Variants in CDC42BPB observed in about 807,000 individuals in gnomAD.
CDC42BPB encodes CDC42 binding protein kinase beta, also known as serine/threonine-protein kinase MRCK beta.
In CDC42BPB, 37 loss-of-function variants were observed where a neutral mutation model predicts 214.9. That is an observed-to-expected ratio of 0.17 (90% CI 0.13 to 0.23). CDC42BPB has a LOEUF of 0.23. Ranked by LOEUF, CDC42BPB falls within the 10% of genes least tolerant of loss-of-function variation. CDC42BPB has a pLI of 1.00. For missense variants in CDC42BPB, 1,694 were observed against 2,227.0 expected, an observed-to-expected ratio of 0.76 and a Z score of 4.82; for synonymous variants, 931 against 884.0, an observed-to-expected ratio of 1.05 and a Z score of -0.94.
chr14:103,014,194 G>C (rs1024139452), intron 1 of CDC42BPB, among the ~76,000 whole-genome samples: 2 of 144,198 alleles, frequency 1.4e-5, no homozygotes, highest in African/African-American at 2.5e-5. Flanking sequence ...AAAGCTCCTA[G>C]AGAGAGGTCA....
intron 5 of CDC42BPB, among the ~76,000 whole-genome samples, chr14:102,997,990 C>T (rs553273393): frequency 3.1e-4 from 47 of 152,178 alleles, no homozygotes; most frequent in African/African-American, 1.1e-3. Context: ...ACTAAAAATA[C>T]AAAAAAATTA....
In CDC42BPB at chr14:102,949,799, G is replaced by A. The variant is rs1892399212; in HGVS notation, c.3415C>T (p.Pro1139Ser). Residue 1139 changes from proline to serine, a missense_variant, in exon 26 of 37, where the codon CCT (proline) becomes TCT (serine). Physicochemically the swap from Pro to Ser is moderately conservative, Grantham distance 74 (BLOSUM62 -1). Transcript: ENST00000361246. Reference sequence around the variant, plus strand: ...AAGACTTGGCTCGCAATGACACCAGGCTGGGTGGATTTTCCTTCAGGCAGA... The same window carrying A: ...AAGACTTGGCTCGCAATGACACCAGACTGGGTGGATTTTCCTTCAGGCAGA... Reference protein sequence around the residue: ...YDLPEGKSTQPGVIASQVLDL... With the variant: ...YDLPEGKSTQSGVIASQVLDL... 1 of 1,613,422 alleles carries A rather than the reference G, an allele frequency of 6.2e-7. No homozygotes were observed. Among genetic ancestry groups the A allele is most frequent in the Non-Finnish European group, 8.5e-7 (1 of 1,180,032 alleles).
At chr14:102,992,170 G>A (rs1196540571) in intron 5 of CDC42BPB, among the ~76,000 whole-genome samples, 1 of 152,160 alleles carries the variant, frequency 6.6e-6, no homozygotes, top group African/African-American at 2.4e-5. Context: ...GGCTTATCTG[G>A]GTGCTGCTGT....
Position 103,000,943 on chromosome 14 carries a change from A to G in CDC42BPB, c.448-1230T>C, listed in dbSNP as rs1209501025. On this transcript the variant is annotated intron_variant, in intron 4 of 36. Coordinates refer to ENST00000361246, the MANE Select transcript of CDC42BPB (RefSeq NM_006035.4). The stretch of plus-strand genomic sequence containing the variant: ...AACAGTCAGACTCCACGCCCATCAC[A>G]TTCAACCAGACTGCAGTGTCTCCAA... Among the ~76,000 whole-genome samples the G allele has an allele frequency of 2.0e-5, 3 of 152,204 alleles. No individual in the cohort carries two copies. In the East Asian group the frequency reaches 5.8e-4, roughly 29 times the overall value.
Position 103,009,035 on chromosome 14 carries a change from C to T in CDC42BPB, c.268-480G>A, listed in dbSNP as rs35105995. On this transcript the variant is annotated intron_variant, in intron 2 of 36. Coordinates refer to ENST00000361246, the MANE Select transcript of CDC42BPB (RefSeq NM_006035.4). Reference sequence around the variant, plus strand: ...AAGCTCTGCCATCACTACCAACACCCGTCAAGATGTCTGCACCATTGTCTG... The same window carrying T: ...AAGCTCTGCCATCACTACCAACACCTGTCAAGATGTCTGCACCATTGTCTG... Among the ~76,000 whole-genome samples, 53 of 152,328 alleles carry T rather than the reference C, an allele frequency of 3.5e-4. 2 individuals are homozygous for T. The East Asian group carries it at 9.5e-3, about 27-fold the overall frequency.
At position 103,001,362 on chromosome 14, in the gene CDC42BPB, A is replaced by G. The variant is rs2139598958; in HGVS notation, c.448-1649T>C. 6.6e-6 allele frequency among the ~76,000 whole-genome samples: 1 copy of G among 152,306 alleles called. No homozygotes were observed. The highest frequency in any genetic ancestry group is 1.5e-5 in the Non-Finnish European group (1 of 68,012). Reference sequence around the variant, plus strand: ...GGGGGCGGGAGAGACCGTGGCCAGCATGGAGAGCAGGCAGTGGTGAGCGCC... The same window carrying G: ...GGGGGCGGGAGAGACCGTGGCCAGCGTGGAGAGCAGGCAGTGGTGAGCGCC... On this transcript the variant is annotated intron_variant, in intron 4 of 36. Coordinates refer to ENST00000361246, the MANE Select transcript of CDC42BPB (RefSeq NM_006035.4). The surrounding 1 kb of genome is among the most constrained non-coding windows in gnomAD (Gnocchi z 5.8).
intron 21 of CDC42BPB, among the ~76,000 whole-genome samples, chr14:102,959,312 AAT>A (rs112691340): frequency 6.6e-6 from 1 of 151,590 alleles, no homozygotes; most frequent in Admixed American, 6.6e-5. Flanking sequence ...AAAAAAAAAA[AAT>A]ACTCACTACA....
chr14:102,983,043 G>GGGGA (rs1029131687), intron 7 of CDC42BPB, among the ~76,000 whole-genome samples: 2 of 152,162 alleles, frequency 1.3e-5, no homozygotes, highest in African/African-American at 4.8e-5. Context: ...GAAACAGGAT[G>GGGGA]GGGAGGATGA....
intron 1 of CDC42BPB, among the ~76,000 whole-genome samples, chr14:103,028,684 C>G (rs1304699792): frequency 6.6e-6 from 1 of 152,230 alleles, no homozygotes; most frequent in Non-Finnish European, 1.5e-5. Flanking sequence ...GAAGGTTCTT[C>G]CTACGTCACC....
intron 13 of CDC42BPB, among the ~76,000 whole-genome samples, chr14:102,971,004 G>C (rs751865757): frequency 6.6e-6 from 1 of 152,192 alleles, no homozygotes; most frequent in Non-Finnish European, 1.5e-5. Flanking sequence ...ATTCACAGCA[G>C]AACACTCAGA....
chr14:103,015,023 A>G (rs934935047), intron 1 of CDC42BPB, among the ~76,000 whole-genome samples: 9 of 152,194 alleles, frequency 5.9e-5, no homozygotes, highest in African/African-American at 2.2e-4. Flanking sequence ...TTGATAAAAC[A>G]CATTTTGTTA....
At chr14:103,011,681 T>C (rs554408217) in intron 2 of CDC42BPB, among the ~76,000 whole-genome samples, 84 of 152,304 alleles carry the variant, frequency 5.5e-4, no homozygotes, top group South Asian at 2.1e-3. Flanking sequence ...AAGGCAAAGG[T>C]TGCCGTTAGC....
At chr14:103,003,678 T>A (rs770535467) in intron 4 of CDC42BPB, among the ~76,000 whole-genome samples, 4 of 152,138 alleles carry the variant, frequency 2.6e-5, no homozygotes, top group Non-Finnish European at 5.9e-5. Flanking sequence ...TTAAATGTAA[T>A]AAACCCAGCA....
intron 5 of CDC42BPB, among the ~76,000 whole-genome samples, chr14:102,997,487 G>C (rs1894794721): frequency 6.6e-6 from 1 of 152,174 alleles, no homozygotes; most frequent in South Asian, 2.1e-4. Flanking sequence ...AGGGAGAGGG[G>C]ATCTCTGCAC....
intron 1 of CDC42BPB, among the ~76,000 whole-genome samples, chr14:103,023,293 G>A (rs558863850): frequency 1.3e-4 from 19 of 151,128 alleles, no homozygotes; most frequent in Admixed American, 2.0e-4. Flanking sequence ...TCAGCCTCCC[G>A]AGTAGCTGGG....
At chr14:102,978,343 C>A in intron 8 of CDC42BPB, 138 bp from the exon 9 acceptor site, 1 of 1,493,090 alleles carries the variant, frequency 6.7e-7, no homozygotes, top group South Asian at 1.4e-5. Flanking sequence ...TCCATGGTGT[C>A]CTCTGCAGGG....
At position 102,949,653 on chromosome 14, in the gene CDC42BPB, A is replaced by G. The variant is rs1271355251; in HGVS notation, c.3449+112T>C. The G allele has an allele frequency of 1.1e-5, 15 of 1,364,348 alleles. No homozygotes were observed. The Middle Eastern group carries it at 6.0e-4, about 55-fold the overall frequency. The allele number at this position is 1,364,348 out of a possible 1,614,324, so 84.5% of individuals were successfully genotyped here. On this transcript the variant is annotated intron_variant, in intron 26 of 36. Transcript: ENST00000361246. ...CATTTTTGCAACCATACAATAATGA[A>G]GCAGGTGAAGTACTAATGAGGTGAA...
rs1168171374 is a variant in CDC42BPB at position 102,973,952 on chromosome 14, A to G, written c.1641+64T>C. On this transcript the variant is annotated intron_variant, in intron 12 of 36. Coordinates refer to ENST00000361246, the MANE Select transcript of CDC42BPB (RefSeq NM_006035.4). ...AAGAGGTCTTCCATCATCGGCATGA[A>G]CGTGACCTTACAGAATTCTGCAAAG... 2.0e-6 allele frequency: 3 copies of G among 1,536,396 alleles called. No homozygotes were observed. The Admixed American group carries it at 6.3e-5, about 32-fold the overall frequency.
chr14:103,022,820 C>A (rs144477207), intron 1 of CDC42BPB, among the ~76,000 whole-genome samples: 2 of 152,150 alleles, frequency 1.3e-5, no homozygotes, highest in African/African-American at 4.8e-5. Flanking sequence ...TTCCTTGAAA[C>A]GAACATTATT....
Sources: allele counts gnomAD v4.1 joint callset (sites outside exome capture counted in the v4.1 genomes callset), GRCh38; gene constraint gnomAD v4.1.1; non-coding constraint Gnocchi (gnomAD v3.1); transcripts MANE v1.5; gene names NCBI Gene and HGNC (gene_info 2026-07-23, HGNC 2026-07-21).